ABHD5: variants seen among roughly 807,000 people sequenced by gnomAD.
The protein encoded by ABHD5 is abhydrolase domain containing 5, lysophosphatidic acid acyltransferase, also known as 1-acylglycerol-3-phosphate O-acyltransferase ABHD5.
A neutral mutation model predicts 44.9 loss-of-function variants in ABHD5; 30 were observed. The ratio of observed to expected loss-of-function variants is 0.67; its 90% confidence interval spans 0.50 to 0.91. ABHD5 has a LOEUF of 0.91. Among genes scored for constraint, ABHD5 ranks in the 40% least tolerant of loss-of-function variants. ABHD5 has a pLI of 0.00. For synonymous variants in ABHD5, 167 were observed against 147.0 expected, an observed-to-expected ratio of 1.14 and a Z score of -0.99; for missense variants, 399 against 423.4, an observed-to-expected ratio of 0.94 and a Z score of 0.50.
At chr3:43,715,419 T>C (rs760393139) in intron 5 of ABHD5, among the ~76,000 whole-genome samples, 9 of 152,288 alleles carry the variant, frequency 5.9e-5, no homozygotes, top group Non-Finnish European at 1.2e-4. Context: ...CGCCTCTGCC[T>C]CCCAAAATGT....
intron 7 of ABHD5, among the ~76,000 whole-genome samples, chr3:43,733,212 G>A (rs1267454665): frequency 6.6e-6 from 1 of 152,162 alleles, no homozygotes; most frequent in African/African-American, 2.4e-5. Context: ...GATCCCTGGG[G>A]GCTGTCTTAG....
chr3:43,714,877 TTCTA>T (rs2084741191), intron 4 of ABHD5, 66 bp from the exon 5 acceptor site: 11 of 1,094,716 alleles, frequency 1.0e-5, no homozygotes, highest in Non-Finnish European at 1.5e-5. Flanking sequence ...CACTAAAACT[TTCTA>T]TATTATTTAG....
intron 3 of ABHD5, among the ~76,000 whole-genome samples, chr3:43,706,798 T>C (rs1230906530): frequency 6.6e-6 from 1 of 152,218 alleles, no homozygotes; most frequent in African/African-American, 2.4e-5. Flanking sequence ...ATATAATCTT[T>C]ATTTTTTTCT....
At chr3:43,696,519 G>A (rs1170606638) in intron 1 of ABHD5, among the ~76,000 whole-genome samples, 1 of 152,162 alleles carries the variant, frequency 6.6e-6, no homozygotes, top group East Asian at 1.9e-4. Context: ...CTCTTTGAAG[G>A]TGAGATTAAT....
At chr3:43,694,618 G>A in intron 1 of ABHD5, among the ~76,000 whole-genome samples, 1 of 152,080 alleles carries the variant, frequency 6.6e-6, no homozygotes, top group Admixed American at 6.5e-5. Context: ...ACTGTGTGAA[G>A]GAAGGTAGGA....
At chr3:43,716,999 C>T (rs536619599) in intron 5 of ABHD5, among the ~76,000 whole-genome samples, 106 of 152,120 alleles carry the variant, frequency 7.0e-4, no homozygotes, top group African/African-American at 2.3e-3. Context: ...GGTGAAACCC[C>T]GTCTCTACTG....
At position 43,699,216 on chromosome 3, in the gene ABHD5, A is replaced by G. The variant is rs576533139; in HGVS notation, c.48-60A>G. 11 of 1,399,210 alleles carry G rather than the reference A, an allele frequency of 7.9e-6. No homozygotes were observed. The East Asian group carries it at 1.8e-4, about 23-fold the overall frequency. 86.7% of individuals were successfully genotyped at this position (1,399,210 alleles called of 1,614,324 possible). A position where few individuals can be genotyped will look rare whatever the true frequency, so the allele number is the denominator to read the frequency against. ...GCTGCCTTTCTTCTGTGCATGTGACAATTGGTAGTTGAGAAGAGCATGAAC... is the reference window on the plus strand; with the variant it reads ...GCTGCCTTTCTTCTGTGCATGTGACGATTGGTAGTTGAGAAGAGCATGAAC... On this transcript the variant is annotated intron_variant, in intron 1 of 6. Transcript: ENST00000644371.
At chr3:43,704,898 C>T (rs552874628) in intron 3 of ABHD5, among the ~76,000 whole-genome samples, 10 of 152,290 alleles carry the variant, frequency 6.6e-5, no homozygotes, top group African/African-American at 2.4e-4. Flanking sequence ...AATAATTAGC[C>T]TGTCTAAATT....
At chr3:43,693,670 T>G (rs1488294383) in intron 1 of ABHD5, among the ~76,000 whole-genome samples, 2 of 152,274 alleles carry the variant, frequency 1.3e-5, no homozygotes, top group African/African-American at 2.4e-5. Context: ...GAAACTCTTA[T>G]TAGACATTCT....
chr3:43,712,720 T>C (rs1256302181), intron 4 of ABHD5, among the ~76,000 whole-genome samples: 2 of 152,216 alleles, frequency 1.3e-5, no homozygotes, highest in Non-Finnish European at 2.9e-5. Flanking sequence ...TGGGTCTGTG[T>C]CTGTGATTTT....
At position 43,717,862 on chromosome 3, in the gene ABHD5, G is replaced by A. The variant is rs894423675; in HGVS notation, c.960+5G>A. 2 of 1,614,140 alleles carry A rather than the reference G, an allele frequency of 1.2e-6. No individual in the cohort carries two copies. Among genetic ancestry groups the A allele is most frequent in the Middle Eastern group, 1.7e-4 (1 of 6,058 alleles). On this transcript the variant is annotated splice_donor_5th_base_variant and intron_variant, in intron 6 of 6. Transcript: ENST00000644371. The stretch of plus-strand genomic sequence containing the variant: ...CATTCATATGTGAAGACAATAGTAA[G>A]TGTGTGGCTTGATTTGGGTTTTTAG...
chr3:43,699,489 T>C, intron 2 of ABHD5, 128 bp downstream of exon 2: 1 of 927,052 alleles, frequency 1.1e-6, no homozygotes, highest in South Asian at 1.4e-5. Flanking sequence ...TTTTTCCTTT[T>C]CCTTGTCATT....
intron 7 of ABHD5, among the ~76,000 whole-genome samples, chr3:43,728,576 T>G (rs2084893256): frequency 6.6e-6 from 1 of 152,216 alleles, no homozygotes; most frequent in Non-Finnish European, 1.5e-5. Context: ...CAATCAGGGC[T>G]TATTTACTAC....
chr3:43,709,439 A>G (rs146765298), intron 3 of ABHD5, among the ~76,000 whole-genome samples: 40 of 152,372 alleles, frequency 2.6e-4, no homozygotes, highest in African/African-American at 9.1e-4. Context: ...TCACTTACCT[A>G]CAGACAGATG....
At chr3:43,714,250 T>A (rs543695656) in intron 4 of ABHD5, among the ~76,000 whole-genome samples, 1 of 151,892 alleles carries the variant, frequency 6.6e-6, no homozygotes, top group East Asian at 1.9e-4. Flanking sequence ...TTCTCCTGCC[T>A]CAGCCTCCTG....
chr3:43,704,367 C>T (rs1575601955), intron 3 of ABHD5, among the ~76,000 whole-genome samples: 1 of 152,302 alleles, frequency 6.6e-6, no homozygotes, highest in East Asian at 1.9e-4. Flanking sequence ...GTGTCCTACT[C>T]TTAGTGACAA....
intron 5 of ABHD5, among the ~76,000 whole-genome samples, chr3:43,716,910 C>T (rs976070369): frequency 2.0e-5 from 3 of 152,168 alleles, no homozygotes; most frequent in African/African-American, 7.2e-5. Flanking sequence ...GTGGTACTCA[C>T]GCCTGTAATC....
At chr3:43,705,056 A>G (rs961205622) in intron 3 of ABHD5, among the ~76,000 whole-genome samples, 3 of 152,228 alleles carry the variant, frequency 2.0e-5, no homozygotes, top group African/African-American at 7.2e-5. Flanking sequence ...TCAAATCATG[A>G]TTATGTCCAG....
chr3:43,691,108 C>G, intron 1 of ABHD5, 69 bp downstream of exon 1: 2 of 1,434,910 alleles, frequency 1.4e-6, no homozygotes, highest in Non-Finnish European at 1.8e-6. Flanking sequence ...GGGTTAGGGC[C>G]CAGCGGGCAG....
Sources: gnomAD v4.1 joint callset for allele counts (sites outside exome capture counted in the v4.1 genomes callset) on GRCh38, gnomAD v4.1.1 for gene constraint, MANE v1.5 for transcripts, NCBI Gene and HGNC (gene_info 2026-07-23, HGNC 2026-07-21) for gene names.